Variants in TLK1 observed in about 807,000 individuals in gnomAD.
TLK1 encodes the protein serine/threonine-protein kinase tousled-like 1.
In TLK1, 24 loss-of-function variants were observed where a neutral mutation model predicts 105.3. The ratio of observed to expected loss-of-function variants is 0.23; its 90% CI spans 0.17 to 0.32. TLK1 has a LOEUF of 0.32. Ranked by LOEUF, TLK1 falls within the 10% of genes least tolerant of loss-of-function variation. The pLI is 1.00. For missense variants in TLK1, 558 were observed against 910.5 expected, an observed-to-expected ratio of 0.61 and a Z score of 4.98; for synonymous variants, 321 against 310.4, an observed-to-expected ratio of 1.03 and a Z score of -0.36.
At chr2:171,161,822 A>G (rs1692509881), upstream of TLK1, among the ~76,000 whole-genome samples, 1 of 151,918 alleles carries the variant, frequency 6.6e-6, no homozygotes, top group South Asian at 2.1e-4. Context: ...ACAGACCCAC[A>G]CAAGTATACT....
upstream of TLK1, among the ~76,000 whole-genome samples, chr2:171,162,275 C>T (rs563538943): frequency 1.3e-5 from 2 of 152,352 alleles, no homozygotes; most frequent in South Asian, 4.1e-4. Flanking sequence ...TGCGGTGGCT[C>T]ACGCCTGTAA....
intron 3 of TLK1, among the ~76,000 whole-genome samples, chr2:171,072,991 G>C (rs1688332039): frequency 6.6e-6 from 1 of 151,092 alleles, no homozygotes; most frequent in African/African-American, 2.4e-5. Context: ...TATTGCAAAT[G>C]GGATTACTTT....
intron 1 of TLK1, among the ~76,000 whole-genome samples, chr2:171,224,535 T>C (rs940044574): frequency 6.6e-6 from 1 of 152,182 alleles, no homozygotes; most frequent in Non-Finnish European, 1.5e-5. Flanking sequence ...TTAAACCTTA[T>C]CCTTCTATTA....
chr2:171,119,562 A>C (rs558352625), intron 1 of TLK1, among the ~76,000 whole-genome samples: 1 of 152,352 alleles, frequency 6.6e-6, no homozygotes, highest in South Asian at 2.1e-4. Context: ...CTGGCACAGG[A>C]CTATTTTGAA....
intron 1 of TLK1, chr2:171,155,511 C>T (rs901003338): frequency 6.6e-6 from 1 of 152,088 alleles, no homozygotes; most frequent in Non-Finnish European, 1.5e-5. Flanking sequence ...CTTGCAAGAA[C>T]ATTCAAAAAC....
chr2:171,200,195 C>G (rs1432046364), intron 1 of TLK1, among the ~76,000 whole-genome samples: 1 of 152,140 alleles, frequency 6.6e-6, no homozygotes, highest in African/African-American at 2.4e-5. Flanking sequence ...TCCACTTTCC[C>G]CTCCCATCAA....
chr2:171,109,627 A>G (rs1690074874), intron 2 of TLK1, among the ~76,000 whole-genome samples: 1 of 152,210 alleles, frequency 6.6e-6, no homozygotes, highest in African/African-American at 2.4e-5. Flanking sequence ...TAAAATATAC[A>G]TCTATCCAGC....
In TLK1 at chr2:171,115,170, C is replaced by CTTT. The variant is rs373796060; in HGVS notation, c.258+2566_258+2568dup. On this transcript the variant is annotated intron_variant, in intron 2 of 20. Coordinates refer to ENST00000431350, the MANE Select transcript of TLK1 (RefSeq NM_012290.5). Reference sequence around the variant, plus strand: ...ATCTTGCTTCATCTTTTAAGAATTTCTTTCTTTTTTTTTTTTTTGAGACTG... The same window carrying CTTT: ...ATCTTGCTTCATCTTTTAAGAATTTCTTTTTTCTTTTTTTTTTTTTTGAGACTG... Among the ~76,000 whole-genome samples the CTTT allele has an allele frequency of 5.2e-5, 7 of 135,784 alleles. 1 individual carries two copies. The highest frequency in any genetic ancestry group is 9.0e-5 in the African/African-American group (3 of 33,178). The allele number at this position is 135,784 out of a possible 152,430, so 89.1% of individuals were successfully genotyped here.
At chr2:171,151,608 G>A (rs1692040311) in intron 1 of TLK1, among the ~76,000 whole-genome samples, 2 of 151,102 alleles carry the variant, frequency 1.3e-5, no homozygotes, top group Non-Finnish European at 2.9e-5. Context: ...CCGAGTAGCT[G>A]GGACTACAGG....
chr2:171,077,724 A>G (rs7606822), intron 3 of TLK1, among the ~76,000 whole-genome samples: 51,649 of 152,086 alleles, frequency 0.34, 9,257 homozygotes, highest in African/African-American at 0.41. Context: ...TTACATGTGT[A>G]TAACTATCGA....
chr2:171,014,822 G>GA, intron 13 of TLK1, 29 bp downstream of exon 13: 1 of 1,520,724 alleles, frequency 6.6e-7, no homozygotes, highest in Non-Finnish European at 9.1e-7. Context: ...TTAATAATAT[G>GA]AAACTGTGAA....
upstream of TLK1, among the ~76,000 whole-genome samples, chr2:171,161,231 T>C (rs1232606160): frequency 2.6e-5 from 4 of 151,044 alleles, no homozygotes; most frequent in Admixed American, 2.0e-4. Flanking sequence ...CCAGCGCCGC[T>C]GCCACCTGAC....
chr2:171,067,854 G>C (rs966683762), intron 3 of TLK1, among the ~76,000 whole-genome samples: 1 of 152,050 alleles, frequency 6.6e-6, no homozygotes, highest in Admixed American at 6.6e-5. Flanking sequence ...TCCCACTTAA[G>C]AGTAAGAACA....
intron 2 of TLK1, among the ~76,000 whole-genome samples, chr2:171,105,956 A>G (rs530183707): frequency 6.6e-6 from 1 of 152,372 alleles, no homozygotes. Flanking sequence ...GAATCAATGT[A>G]AGTGTCCATC....
At position 171,220,162 on chromosome 2, in the gene TLK1, T is replaced by C. The variant is rs192744683; in HGVS notation, c.-6+10983A>G. On this transcript the variant is annotated intron_variant, in intron 1 of 20. Transcript: ENST00000521943. The stretch of plus-strand genomic sequence containing the variant: ...TTTAGTTAAATCTGCAAAGACCCTT[T>C]TTCCATATAAGATAACATTTCCATG... Among the ~76,000 whole-genome samples the C allele has an allele frequency of 6.7e-3, 1,018 of 152,306 alleles. 12 individuals carry two copies. The highest frequency in any genetic ancestry group is 9.9e-3 in the Non-Finnish European group (672 of 68,022).
In TLK1 at chr2:171,053,850, C is replaced by G; in HGVS notation, c.643G>C (p.Asp215His). ...GCTGCTAATTTCAGCATTGTGAGAT[C>G]AGTCTAAATGAAAAAAAGTTATTTT... ...KQLSFKIIQT[D>H]LTMLKLAALE... is the part of the protein sequence containing the mutation. The change falls in exon 8 of 21, where the codon GAT becomes CAT. Residue 215 changes from aspartate to histidine, a missense_variant. By Grantham distance (81) the Asp-to-His change is moderately conservative (BLOSUM62 -1). Transcript: ENST00000431350. 6.2e-7 allele frequency: 1 copy of G among 1,600,204 alleles called. No individual in the cohort carries two copies. The highest frequency in any genetic ancestry group is 8.5e-7 in the Non-Finnish European group (1 of 1,174,330).
chr2:171,003,948 TA>T (rs1458899651), intron 18 of TLK1, among the ~76,000 whole-genome samples: 1 of 152,162 alleles, frequency 6.6e-6, no homozygotes, highest in Non-Finnish European at 1.5e-5. Flanking sequence ...ACCTTTTTCT[TA>T]ATTTTTTCAG....
intron 3 of TLK1, among the ~76,000 whole-genome samples, chr2:171,080,172 G>C (rs188108047): frequency 1.3e-5 from 2 of 149,810 alleles, no homozygotes; most frequent in African/African-American, 2.5e-5. Flanking sequence ...ACTCCAGCCC[G>C]GGCAAAAGAG....
chr2:171,046,012 T>G, intron 11 of TLK1, 162 bp downstream of exon 11: 1 of 540,280 alleles, frequency 1.9e-6, no homozygotes, highest in Non-Finnish European at 3.1e-6. Flanking sequence ...AGAATTCAGA[T>G]ATTTGGGGCT....
Sources: allele counts gnomAD v4.1 joint callset (sites outside exome capture counted in the v4.1 genomes callset), GRCh38; gene constraint gnomAD v4.1.1; transcripts MANE v1.5; gene names NCBI Gene and HGNC (gene_info 2026-07-23, HGNC 2026-07-21).